The following SELP variants were observed in gnomAD, a reference collection of about 807,000 sequenced individuals.
The protein encoded by SELP is P-selectin.
A neutral mutation model predicts 104.1 loss-of-function variants in SELP; 92 were observed. That is an observed-to-expected ratio of 0.88 (90% CI 0.75 to 1.05). The LOEUF (loss-of-function observed/expected upper bound fraction) is 1.05, where lower values mean the gene tolerates loss of function less well. Ranked by LOEUF, SELP falls within the 50% of genes least tolerant of loss-of-function variation. The probability of loss-of-function intolerance (pLI) is 0.00; values close to 1 mark genes in which losing one functional copy is unlikely to be tolerated. For missense variants in SELP, 1,022 were observed against 1,017.3 expected, an observed-to-expected ratio of 1.00 and a Z score of -0.06; for synonymous variants, 397 against 364.5, an observed-to-expected ratio of 1.09 and a Z score of -1.01.
Position 169,609,540 on chromosome 1 carries a change from AG to A in SELP, c.1296del (p.Leu433TrpfsTer27), listed in dbSNP as rs1247065743. On this transcript the variant is annotated frameshift_variant, in exon 8 of 17. Transcript: ENST00000263686. LOFTEE classifies it high-confidence loss of function. Reference protein sequence around the residue: ...LRGADIVRCDNLGQWTAPAPV... With the variant: ...LRGADIVRCDXLGQWTAPAPV... ...GGGGCTGGTGCTGTCCACTGTCCCAAGTTATCACACCGAACTATATCGGCTC... is the reference window on the plus strand; with the variant it reads ...GGGGCTGGTGCTGTCCACTGTCCCAATTATCACACCGAACTATATCGGCTC... 17 of 1,613,942 alleles carry A rather than the reference AG, an allele frequency of 1.1e-5. No individual in the cohort carries two copies. The highest frequency in any genetic ancestry group is 1.4e-5 in the Non-Finnish European group (16 of 1,179,896).
At chr1:169,616,911 T>A in intron 3 of SELP, 117 bp downstream of exon 3, 1 of 1,157,768 alleles carries the variant, frequency 8.6e-7, no homozygotes. Flanking sequence ...AATTTACCCC[T>A]TGATTTCATG....
At chr1:169,616,923 C>T in intron 3 of SELP, 105 bp downstream of exon 3, 1 of 1,257,740 alleles carries the variant, frequency 8.0e-7, no homozygotes, top group African/African-American at 1.5e-5. Context: ...GATTTCATGT[C>T]CTGCCTTTGT....
intron 9 of SELP, among the ~76,000 whole-genome samples, chr1:169,605,307 C>G (rs1571641622): frequency 1.3e-5 from 2 of 152,230 alleles, no homozygotes; most frequent in East Asian, 3.8e-4. Context: ...GCCCTGTTCT[C>G]TCCAGACCCA....
At chr1:169,597,197 T>A in intron 10 of SELP, 21 bp from the exon 11 acceptor site, 1 of 1,544,758 alleles carries the variant, frequency 6.5e-7, no homozygotes, top group Non-Finnish European at 8.8e-7. Context: ...AAATTAAGAG[T>A]GTCACAATCT....
Position 169,621,243 on chromosome 1 carries a change from GTGTT to G in SELP, c.4-2028_4-2025del, listed in dbSNP as rs1663115664. ...GGATGGTGTGGAGTTGTGTGTGTGT[GTGTT>G]TGTGTCACACCCCAGTGATGGATGA... On this transcript the variant is annotated intron_variant, in intron 1 of 16. Coordinates refer to ENST00000263686, the MANE Select transcript of SELP (RefSeq NM_003005.4). 3.4e-5 allele frequency among the ~76,000 whole-genome samples: 5 copies of G among 148,122 alleles called. No homozygotes were observed. In the South Asian group the frequency reaches 8.8e-4, roughly 26 times the overall value.
intron 12 of SELP, 79 bp downstream of exon 12, chr1:169,595,846 T>G (rs1001248095): frequency 6.1e-5 from 81 of 1,330,254 alleles, no homozygotes; most frequent in Non-Finnish European, 8.5e-5. Flanking sequence ...TGGGTGAGAC[T>G]TCAACATACA....
At position 169,595,905 on chromosome 1, in the gene SELP, C is replaced by T; in HGVS notation, c.2101+20G>A. The T allele has an allele frequency of 6.2e-7, 1 of 1,610,948 alleles. No individual in the cohort carries two copies. Among genetic ancestry groups the T allele is most frequent in the South Asian group, 1.1e-5 (1 of 90,936 alleles). On this transcript the variant is annotated intron_variant, in intron 12 of 16. Coordinates refer to ENST00000263686, the MANE Select transcript of SELP (RefSeq NM_003005.4). ...TTGCAGGAAGGCAGGTTCAGAACTGCCTGCTCCTTTTCACCTTACCTCTGC... is the reference window on the plus strand; with the variant it reads ...TTGCAGGAAGGCAGGTTCAGAACTGTCTGCTCCTTTTCACCTTACCTCTGC...
intron 11 of SELP, 72 bp from the exon 12 acceptor site, chr1:169,596,206 T>A: frequency 1.5e-6 from 2 of 1,352,734 alleles, no homozygotes; most frequent in Non-Finnish European, 2.1e-6. Context: ...AAGGCTAATC[T>A]GGAATAACTG....
intron 12 of SELP, among the ~76,000 whole-genome samples, chr1:169,595,632 AG>A (rs1661568569): frequency 6.6e-6 from 1 of 152,210 alleles, no homozygotes; most frequent in African/African-American, 2.4e-5. Context: ...TTTCTATAGC[AG>A]GTTTTACATT....
chr1:169,613,089 G>T lies in SELP; in HGVS notation c.615C>A (p.Leu205=), dbSNP rs745664155. Residue 205 remains leucine, a synonymous_variant, in exon 5 of 17, where the codon CTC becomes CTA. Coordinates refer to ENST00000263686, the MANE Select transcript of SELP (RefSeq NM_003005.4). ...TGCAGTTCATGAGCACGTGTTGAGG[G>T]AGCTCAAGTTCTCCACACTCTCTCA... is the stretch of plus-strand genomic sequence containing the variant. ...EYVRECGELE[L]PQHVLMNCSH... 3 of 1,608,176 alleles carry T rather than the reference G, an allele frequency of 1.9e-6. No homozygotes were observed. In the Admixed American group the frequency reaches 5.1e-5, roughly 27 times the overall value.
At position 169,611,618 on chromosome 1, in the gene SELP, G is replaced by A. The variant is rs758162748; in HGVS notation, c.1021C>T (p.Leu341Phe). ...CTGGAGCCATAGGCAAAAGCAGTGA[G>A]CGGATGAACACAGTCCATGGTTCCT... ...SEGTMDCVHP[L>F]TAFAYGSSCK... is the part of the protein sequence containing the mutation. The change falls in exon 7 of 17, where the codon CTC becomes TTC. Residue 341 changes from leucine to phenylalanine, a missense_variant. Transcript: ENST00000263686. 11 of 1,614,148 alleles carry A rather than the reference G, an allele frequency of 6.8e-6. No individual in the cohort carries two copies. Among genetic ancestry groups the A allele is most frequent in the East Asian group, 2.2e-5 (1 of 44,886 alleles).
At chr1:169,611,840 G>A (rs1009499682) in intron 6 of SELP, among the ~76,000 whole-genome samples, 163 bp from the exon 7 acceptor site, 1 of 152,112 alleles carries the variant, frequency 6.6e-6, no homozygotes, top group African/African-American at 2.4e-5. Context: ...CCAGTTCCCA[G>A]GGTGATCTGA....
intron 13 of SELP, among the ~76,000 whole-genome samples, chr1:169,594,260 A>C (rs1661484858): frequency 6.6e-6 from 1 of 152,190 alleles, no homozygotes; most frequent in African/African-American, 2.4e-5. Context: ...AGGGGAAAAA[A>C]TAGGGGGCTG....
At chr1:169,597,300 C>G in intron 10 of SELP, 124 bp from the exon 11 acceptor site, 1 of 846,116 alleles carries the variant, frequency 1.2e-6, no homozygotes, top group South Asian at 2.3e-5. Flanking sequence ...AGGTATTTTG[C>G]TAGGCAGCAG....
chr1:169,621,060 C>A (rs10800459), intron 1 of SELP, among the ~76,000 whole-genome samples: 2 of 121,520 alleles, frequency 1.6e-5, no homozygotes, highest in Non-Finnish European at 3.3e-5. Flanking sequence ...GCCACAGTGA[C>A]GGATGATGTA....
intron 8 of SELP, 109 bp from the exon 9 acceptor site, chr1:169,607,243 T>C: frequency 1.2e-6 from 1 of 837,204 alleles, no homozygotes; most frequent in Non-Finnish European, 1.7e-6. Context: ...TGAATTGGGC[T>C]TGTTTAACAT....
At chr1:169,602,910 G>T (rs1348857076) in intron 10 of SELP, 116 bp downstream of exon 10, 9 of 738,838 alleles carry the variant, frequency 1.2e-5, no homozygotes, top group African/African-American at 3.5e-5. Flanking sequence ...GATTACCATT[G>T]TTGTGGAGAG....
At chr1:169,610,319 A>G (rs1266120463) in intron 7 of SELP, among the ~76,000 whole-genome samples, 1 of 152,162 alleles carries the variant, frequency 6.6e-6, no homozygotes, top group Non-Finnish European at 1.5e-5. Flanking sequence ...AGTGCAGCCA[A>G]AGTGAATTCC....
chr1:169,597,670 C>T (rs202008801), intron 10 of SELP, among the ~76,000 whole-genome samples: 2 of 152,202 alleles, frequency 1.3e-5, no homozygotes, highest in African/African-American at 4.8e-5. Flanking sequence ...TGAATCTCCT[C>T]ACTAATTGTT....
Sources: gnomAD v4.1 joint callset for allele counts (sites outside exome capture counted in the v4.1 genomes callset) on GRCh38, gnomAD v4.1.1 for gene constraint, MANE v1.5 for transcripts, NCBI Gene and HGNC (gene_info 2026-07-23, HGNC 2026-07-21) for gene names.